Variants in PCDHGA3 observed in about 807,000 individuals in gnomAD.
The protein encoded by PCDHGA3 is protocadherin gamma subfamily A, 3, also known as protocadherin gamma-A3.
PCDHGA3 carries 40 observed loss-of-function variants against 58.5 expected under a neutral mutation model. The ratio of observed to expected loss-of-function variants is 0.68; its 90% CI spans 0.53 to 0.89. The LOEUF is 0.89. Ranked by LOEUF, PCDHGA3 falls within the 40% of genes least tolerant of loss-of-function variation. The probability of loss-of-function intolerance (pLI) is 0.00; values close to 1 mark genes in which losing one functional copy is unlikely to be tolerated. For synonymous variants in PCDHGA3, 530 were observed against 525.7 expected (o/e 1.01, Z -0.11); for missense variants, 1,223 against 1,195.9 (o/e 1.02, Z -0.33).
intron 1 of PCDHGA3, chr5:141,414,697 T>C (rs748722995): frequency 6.2e-7 from 1 of 1,614,036 alleles, no homozygotes; most frequent in Non-Finnish European, 8.5e-7. Flanking sequence ...TCTGTCCTCA[T>C]ACATATCCAT....
chr5:141,356,407 C>T, intron 1 of PCDHGA3: 2 of 1,592,640 alleles, frequency 1.3e-6, no homozygotes, highest in Admixed American at 1.8e-5. Flanking sequence ...AAATTATTAT[C>T]GGTTGTTGAC....
chr5:141,407,970 C>T, intron 1 of PCDHGA3: 2 of 716,252 alleles, frequency 2.8e-6, no homozygotes, highest in Non-Finnish European at 4.3e-6. Context: ...CAAGCGCTGA[C>T]GCCGGGGATC....
chr5:141,383,738 C>A (rs1779431322), intron 1 of PCDHGA3: 3 of 1,614,006 alleles, frequency 1.9e-6, no homozygotes, highest in Admixed American at 3.3e-5. Context: ...GTGACATATT[C>A]TTTTCGGAAA....
At chr5:141,405,187 G>A (rs372851700) in intron 1 of PCDHGA3, 1 of 1,613,360 alleles carries the variant, frequency 6.2e-7, no homozygotes, top group East Asian at 2.2e-5. Flanking sequence ...GTGTAGATGG[G>A]GTTCGAGCTT....
intron 1 of PCDHGA3, chr5:141,393,056 C>A: frequency 6.2e-7 from 1 of 1,613,606 alleles, no homozygotes; most frequent in Non-Finnish European, 8.5e-7. Flanking sequence ...ACCCGCGCAG[C>A]GGCAGCTTGA....
intron 1 of PCDHGA3, among the ~76,000 whole-genome samples, chr5:141,456,917 C>G (rs1005360691): frequency 2.6e-5 from 4 of 152,032 alleles, no homozygotes; most frequent in Non-Finnish European, 5.9e-5. Context: ...GAGCCGAGAT[C>G]GCACCACTGC....
At position 141,477,530 on chromosome 5, in the gene PCDHGA3, C is replaced by A; in HGVS notation, c.2425-17277C>A. The A allele has an allele frequency of 6.2e-7, 1 of 1,614,186 alleles. No homozygotes were observed. The highest frequency in any genetic ancestry group is 1.1e-5 in the South Asian group (1 of 91,082). ...CGTTTACATTGAAGAAAACAACCTCCCCGGGGCTCCAATACTAAACCTAAG... is the reference window on the plus strand; with the variant it reads ...CGTTTACATTGAAGAAAACAACCTCACCGGGGCTCCAATACTAAACCTAAG... On this transcript the variant is annotated intron_variant, in intron 1 of 3. Coordinates refer to ENST00000253812, the MANE Select transcript of PCDHGA3 (RefSeq NM_018916.4). The surrounding 1 kb of genome is among the most constrained non-coding windows in gnomAD (Gnocchi z 4.9).
At chr5:141,399,645 A>C (rs762123604) in intron 1 of PCDHGA3, 8 of 1,613,676 alleles carry the variant, frequency 5.0e-6, no homozygotes, top group Admixed American at 1.7e-5. Flanking sequence ...TGAGCGCGCA[A>C]AGTGGGGTGG....
chr5:141,376,421 A>C (rs765897100), intron 1 of PCDHGA3: 1 of 1,614,248 alleles, frequency 6.2e-7, no homozygotes, highest in Non-Finnish European at 8.5e-7. Flanking sequence ...CGACACGCTT[A>C]TCAACCAGGA....
rs551289441 is a variant in PCDHGA3, at chr5:141,444,102, C to T, written c.2425-50705C>T. ...TGAAAAGTCTGCTAAGGATTGGAAACCAAGAAAAGTGAAGTATCTCAACAG... is the reference window on the plus strand; with the variant it reads ...TGAAAAGTCTGCTAAGGATTGGAAATCAAGAAAAGTGAAGTATCTCAACAG... On this transcript the variant is annotated intron_variant, in intron 1 of 3. Coordinates refer to ENST00000253812, the MANE Select transcript of PCDHGA3 (RefSeq NM_018916.4). Among the ~76,000 whole-genome samples the T allele has an allele frequency of 1.5e-3, 216 of 144,128 alleles. 1 individual carries two copies. Among genetic ancestry groups the T allele is most frequent in the African/African-American group, 5.4e-3 (211 of 38,798 alleles). 94.6% of individuals were successfully genotyped at this position (144,128 alleles called of 152,430 possible).
intron 1 of PCDHGA3, chr5:141,421,703 G>A: frequency 1.2e-6 from 2 of 1,613,946 alleles, no homozygotes; most frequent in Middle Eastern, 1.6e-4. Context: ...CCTAATGCTA[G>A]GGATCCAGAT....
chr5:141,504,790 CT>C (rs1204741124), intron 2 of PCDHGA3, among the ~76,000 whole-genome samples: 15 of 152,080 alleles, frequency 9.9e-5, no homozygotes, highest in Admixed American at 3.9e-4. Context: ...TTGGGGCCTC[CT>C]ACATCTCCCC....
intron 1 of PCDHGA3, chr5:141,405,444 G>C: frequency 7.2e-7 from 1 of 1,379,466 alleles, no homozygotes; most frequent in Non-Finnish European, 1.0e-6. Flanking sequence ...TTTTGAGACA[G>C]AGTCTTACTC....
chr5:141,365,000 G>C (rs188773052), intron 1 of PCDHGA3: 16 of 1,613,704 alleles, frequency 9.9e-6, no homozygotes, highest in South Asian at 3.3e-5. Context: ...GGTACTCTCC[G>C]GCACCACGCA....
intron 1 of PCDHGA3, chr5:141,385,071 G>T (rs1325191501): frequency 6.2e-7 from 1 of 1,614,088 alleles, no homozygotes; most frequent in Non-Finnish European, 8.5e-7. Flanking sequence ...AGTCACGCCT[G>T]CTGCAGGCTT....
chr5:141,420,540 A>G, intron 1 of PCDHGA3: 1 of 306,814 alleles, frequency 3.3e-6, no homozygotes, highest in Non-Finnish European at 5.7e-6. Context: ...AAAAATATAA[A>G]ATACAGGTAT....
intron 1 of PCDHGA3, chr5:141,403,468 C>G: frequency 6.2e-7 from 1 of 1,614,054 alleles, no homozygotes; most frequent in Non-Finnish European, 8.5e-7. Flanking sequence ...GCTACCAGCT[C>G]AGCCCCAATC....
At chr5:141,370,402 A>G (rs541569664) in intron 1 of PCDHGA3, 2 of 1,554,130 alleles carry the variant, frequency 1.3e-6, no homozygotes, top group Non-Finnish European at 8.7e-7. Flanking sequence ...GGGATGGGAA[A>G]TAGCTCCGGA....
At chr5:141,369,372 TA>T (rs1766193599) in intron 1 of PCDHGA3, among the ~76,000 whole-genome samples, 1 of 152,142 alleles carries the variant, frequency 6.6e-6, no homozygotes, top group Non-Finnish European at 1.5e-5. Flanking sequence ...ACATCCTTTG[TA>T]AAAGTTTTTC....
Sources: gnomAD v4.1 joint callset for allele counts (sites outside exome capture counted in the v4.1 genomes callset) on GRCh38, gnomAD v4.1.1 for gene constraint, Gnocchi (gnomAD v3.1) non-coding constraint, MANE v1.5 for transcripts, NCBI Gene and HGNC (gene_info 2026-07-23, HGNC 2026-07-21) for gene names.